Variants in SLC8A3 observed in about 807,000 individuals in gnomAD.
The protein encoded by SLC8A3 is solute carrier family 8 member A3.
In SLC8A3, 37 loss-of-function variants were observed where a neutral mutation model predicts 65.4. That is an observed-to-expected ratio of 0.57 (90% CI 0.44 to 0.74). The LOEUF (loss-of-function observed/expected upper bound fraction) is 0.74. Among genes scored for constraint, SLC8A3 ranks in the 30% least tolerant of loss-of-function variants. SLC8A3 has a pLI of 0.00. For synonymous variants in SLC8A3, 461 were observed against 444.5 expected (o/e 1.04, Z -0.47); for missense variants, 1,112 against 1,172.1 (o/e 0.95, Z 0.75).
chr14:70,136,396 C>T lies in SLC8A3; in HGVS notation c.1784+30243G>A, dbSNP rs78096648. Among the ~76,000 whole-genome samples, 107 of 152,340 alleles carry T rather than the reference C, an allele frequency of 7.0e-4. No homozygotes were observed. In the East Asian group the frequency reaches 0.013, roughly 19 times the overall value. ...TTACGGTAGTCCCAAGAAACCAACA[C>T]GCAGGGCTTCTGAGAGCCTGTGTAA... is the stretch of plus-strand genomic sequence containing the variant. On this transcript the variant is annotated intron_variant, in intron 2 of 6. Coordinates refer to ENST00000356921, the MANE Select transcript of SLC8A3 (RefSeq NM_182932.3).
intron 2 of SLC8A3, among the ~76,000 whole-genome samples, chr14:70,096,674 C>T (rs899608818): frequency 5.9e-5 from 9 of 152,172 alleles, no homozygotes; most frequent in Admixed American, 5.2e-4. Context: ...ACTCAGCTCA[C>T]AGGGATATTG....
At chr14:70,047,366 C>T (rs192587295) in intron 6 of SLC8A3, 2 of 152,086 alleles carry the variant, frequency 1.3e-5, no homozygotes, top group Admixed American at 1.3e-4. Flanking sequence ...TGCTTCTGAT[C>T]CTCTGATATT....
At chr14:70,090,021 C>G (rs1182674234) in intron 2 of SLC8A3, among the ~76,000 whole-genome samples, 1 of 151,784 alleles carries the variant, frequency 6.6e-6, no homozygotes, top group East Asian at 1.9e-4. Flanking sequence ...ATGTTTTTCT[C>G]CTGTAACTAC....
chr14:70,160,966 C>T (rs61289274), intron 2 of SLC8A3, among the ~76,000 whole-genome samples: 4 of 150,728 alleles, frequency 2.7e-5, no homozygotes, highest in Non-Finnish European at 5.9e-5. Flanking sequence ...ATAGCATGGT[C>T]GGGCACGGTG....
intron 2 of SLC8A3, among the ~76,000 whole-genome samples, chr14:70,122,422 G>C (rs1894134245): frequency 6.6e-6 from 1 of 152,056 alleles, no homozygotes; most frequent in Non-Finnish European, 1.5e-5. Context: ...AAGGACAATG[G>C]GGAGGGCTCT....
intron 4 of SLC8A3, 71 bp downstream of exon 4, chr14:70,051,919 A>T: frequency 7.2e-7 from 1 of 1,395,590 alleles, no homozygotes. Context: ...AAGTGGAAAA[A>T]AACACCCCAG....
chr14:70,167,308 T>A lies in SLC8A3; in HGVS notation c.1115A>T (p.His372Leu), dbSNP rs752459240. The change falls in exon 2 of 7, where the codon CAT becomes CTT. Residue 372 changes from histidine to leucine, a missense_variant. Transcript: ENST00000356921. The part of the protein sequence containing the change: ...MTGAGNILKK[H>L]AAEQAKKASS... ...GGCCTTCTTGGCTTGTTCTGCTGCA[T>A]GTTTCTTCAGGATATTGCCTGCACC... 1 of 1,614,096 alleles carries A rather than the reference T, an allele frequency of 6.2e-7. No homozygotes were observed. The highest frequency in any genetic ancestry group is 1.7e-5 in the Admixed American group (1 of 60,006).
At chr14:70,132,307 G>T (rs1894891953) in intron 2 of SLC8A3, among the ~76,000 whole-genome samples, 1 of 152,218 alleles carries the variant, frequency 6.6e-6, no homozygotes, top group Admixed American at 6.5e-5. Flanking sequence ...ATATTTGGGA[G>T]CCCATCCCTT....
At chr14:70,051,813 G>T (rs1318667709) in intron 4 of SLC8A3, among the ~76,000 whole-genome samples, 177 bp downstream of exon 4, 1 of 152,036 alleles carries the variant, frequency 6.6e-6, no homozygotes, top group Non-Finnish European at 1.5e-5. Context: ...GCATACAAAT[G>T]GTCAGCACTA....
At position 70,048,751 on chromosome 14, in the gene SLC8A3, C is replaced by A; in HGVS notation, c.2389+16G>T. ...GTAAAATCCTCTTTGCAAATTCAAGCACCTCTCACTCTCACCTGGGACAGA... is the reference window on the plus strand; with the variant it reads ...GTAAAATCCTCTTTGCAAATTCAAGAACCTCTCACTCTCACCTGGGACAGA... On this transcript the variant is annotated intron_variant, in intron 6 of 6. Transcript: ENST00000356921. 6.2e-7 allele frequency: 1 copy of A among 1,611,132 alleles called. No homozygotes were observed. Among genetic ancestry groups the A allele is most frequent in the Non-Finnish European group, 8.5e-7 (1 of 1,178,556 alleles).
intron 2 of SLC8A3, among the ~76,000 whole-genome samples, chr14:70,109,045 G>A (rs1893080267): frequency 6.6e-6 from 1 of 152,082 alleles, no homozygotes; most frequent in African/African-American, 2.4e-5. Context: ...ACTCTTTCAT[G>A]TGTAGCACTT....
In SLC8A3 at chr14:70,166,550, G is replaced by A. The variant is rs112646815; in HGVS notation, c.1784+89C>T. On this transcript the variant is annotated intron_variant, in intron 2 of 6. Transcript: ENST00000356921. Reference sequence around the variant, plus strand: ...AAGTTTGACATTAACACAAACACAAGGAAATGTTGTAAAGTGCAGTACAGA... The same window carrying A: ...AAGTTTGACATTAACACAAACACAAAGAAATGTTGTAAAGTGCAGTACAGA... 1,764 of 786,418 alleles carry A rather than the reference G, an allele frequency of 2.2e-3. 25 individuals are homozygous for A. In the East Asian group the frequency reaches 0.023, roughly 10 times the overall value. 48.7% of individuals were successfully genotyped at this position (786,418 alleles called of 1,614,324 possible).
At chr14:70,177,465 C>T (rs1390373420) in intron 1 of SLC8A3, among the ~76,000 whole-genome samples, 1 of 152,230 alleles carries the variant, frequency 6.6e-6, no homozygotes, top group African/African-American at 2.4e-5. Context: ...GCCAAGAGAT[C>T]ACAAGAAAGG....
chr14:70,083,930 G>A (rs1033436920), intron 2 of SLC8A3, among the ~76,000 whole-genome samples: 3 of 152,130 alleles, frequency 2.0e-5, no homozygotes, highest in African/African-American at 7.2e-5. Flanking sequence ...ATGGATCAAG[G>A]GTATTACAAC....
intron 2 of SLC8A3, among the ~76,000 whole-genome samples, chr14:70,102,752 G>A (rs1160214623): frequency 6.6e-6 from 1 of 152,032 alleles, no homozygotes; most frequent in Non-Finnish European, 1.5e-5. Flanking sequence ...AAGATAAATT[G>A]TCCAATCTGA....
chr14:70,082,970 G>T (rs1891163314), intron 2 of SLC8A3, among the ~76,000 whole-genome samples: 1 of 152,088 alleles, frequency 6.6e-6, no homozygotes, highest in South Asian at 2.1e-4. Context: ...GTCAAGGAGG[G>T]ACAGGTAGGG....
chr14:70,092,413 G>C (rs1891864920), intron 2 of SLC8A3, among the ~76,000 whole-genome samples: 1 of 152,140 alleles, frequency 6.6e-6, no homozygotes, highest in Admixed American at 6.5e-5. Context: ...TTGTGTTGCA[G>C]AGCTGGCAGC....
chr14:70,126,602 A>T (rs1226346508), intron 2 of SLC8A3, among the ~76,000 whole-genome samples: 3 of 144,528 alleles, frequency 2.1e-5, no homozygotes, highest in Non-Finnish European at 4.6e-5. Context: ...ACACACACAC[A>T]CACTTAGAAC....
At chr14:70,092,500 T>C (rs1594969997) in intron 2 of SLC8A3, among the ~76,000 whole-genome samples, 1 of 152,196 alleles carries the variant, frequency 6.6e-6, no homozygotes, top group East Asian at 1.9e-4. Flanking sequence ...GTCTGGGTAT[T>C]ATCACCTAGA....
Sources: gnomAD v4.1 joint callset for allele counts (sites outside exome capture counted in the v4.1 genomes callset) on GRCh38, gnomAD v4.1.1 for gene constraint, MANE v1.5 for transcripts, NCBI Gene and HGNC (gene_info 2026-07-23, HGNC 2026-07-21) for gene names.